The following AGBL1 variants were observed in gnomAD, a reference collection of about 807,000 sequenced individuals.
AGBL1 encodes the protein cytosolic carboxypeptidase 4.
Under a neutral mutation model 118.9 loss-of-function variants are expected in AGBL1, and 130 were observed. That is an observed-to-expected ratio of 1.09 (90% confidence interval 0.95 to 1.26). The LOEUF is 1.26. AGBL1 is among the 50% of genes most tolerant of loss of function. The probability of loss-of-function intolerance (pLI) is 0.00; values close to 1 mark genes in which losing one functional copy is unlikely to be tolerated. For missense variants in AGBL1, 1,584 were observed against 1,298.1 expected (o/e 1.22, Z -3.38); for synonymous variants, 555 against 478.9 (o/e 1.16, Z -2.08).
intron 22 of AGBL1, among the ~76,000 whole-genome samples, chr15:86,688,685 G>C (rs2086106922): frequency 6.6e-6 from 1 of 152,110 alleles, no homozygotes; most frequent in South Asian, 2.1e-4. Context: ...AAACAAACCT[G>C]ATTTTATTAT....
chr15:86,535,799 C>G (rs574300949), intron 19 of AGBL1, among the ~76,000 whole-genome samples: 1 of 152,140 alleles, frequency 6.6e-6, no homozygotes, highest in African/African-American at 2.4e-5. Flanking sequence ...AAAAGGATGG[C>G]GTATTCCTTT....
intron 5 of AGBL1, among the ~76,000 whole-genome samples, chr15:86,222,006 T>C (rs1443191175): frequency 6.6e-6 from 1 of 152,190 alleles, no homozygotes; most frequent in Non-Finnish European, 1.5e-5. Flanking sequence ...TCTGGTGAAG[T>C]TCAGTTTCCA....
At chr15:86,195,890 A>G (rs1323736455) in intron 5 of AGBL1, among the ~76,000 whole-genome samples, 1 of 152,158 alleles carries the variant, frequency 6.6e-6, no homozygotes, top group East Asian at 1.9e-4. Context: ...TTCTAAGTCT[A>G]TCCAAGCTCT....
intron 21 of AGBL1, among the ~76,000 whole-genome samples, chr15:86,563,784 C>T (rs2083868932): frequency 6.6e-6 from 1 of 152,122 alleles, no homozygotes; most frequent in South Asian, 2.1e-4. Flanking sequence ...TTGTAGGTCT[C>T]TAAGGACTTG....
chr15:86,716,969 C>T (rs767525933), intron 22 of AGBL1, among the ~76,000 whole-genome samples: 2 of 152,058 alleles, frequency 1.3e-5, no homozygotes, highest in Non-Finnish European at 2.9e-5. Flanking sequence ...TTTGTTTTTA[C>T]CTTTAAGGCA....
chr15:86,184,404 A>G (rs2077595766), intron 5 of AGBL1, among the ~76,000 whole-genome samples: 1 of 151,480 alleles, frequency 6.6e-6, no homozygotes, highest in South Asian at 2.1e-4. Context: ...ACTTTTATAC[A>G]CGATCTATTC....
intron 17 of AGBL1, among the ~76,000 whole-genome samples, chr15:86,382,159 G>A (rs1057361064): frequency 1.3e-4 from 20 of 149,396 alleles, no homozygotes; most frequent in African/African-American, 4.9e-4. Flanking sequence ...GGGATGGGGG[G>A]CAGGGGAGTG....
chr15:86,210,023 C>T (rs1345853169), intron 5 of AGBL1, among the ~76,000 whole-genome samples: 1 of 152,174 alleles, frequency 6.6e-6, no homozygotes, highest in Non-Finnish European at 1.5e-5. Flanking sequence ...GTGACAAAAT[C>T]TCTCAGCATT....
At chr15:86,377,421 T>G (rs1208636284) in intron 17 of AGBL1, among the ~76,000 whole-genome samples, 1 of 152,184 alleles carries the variant, frequency 6.6e-6, no homozygotes, top group Non-Finnish European at 1.5e-5. Flanking sequence ...ATGGTAGTTC[T>G]CACGGCCTGA....
At chr15:86,994,330 C>A (rs1379747047) in intron 24 of AGBL1, among the ~76,000 whole-genome samples, 1 of 151,998 alleles carries the variant, frequency 6.6e-6, no homozygotes, top group Non-Finnish European at 1.5e-5. Context: ...TATATCCTGG[C>A]CTGTGATCTC....
chr15:86,683,265 A>G (rs2085994108), intron 22 of AGBL1, among the ~76,000 whole-genome samples: 1 of 152,138 alleles, frequency 6.6e-6, no homozygotes, highest in African/African-American at 2.4e-5. Flanking sequence ...TAAAACTCAA[A>G]CGACTTGGGT....
chr15:86,573,813 A>G (rs1162138006), intron 21 of AGBL1, among the ~76,000 whole-genome samples: 1 of 152,224 alleles, frequency 6.6e-6, no homozygotes, highest in Non-Finnish European at 1.5e-5. Flanking sequence ...AAATGTTTCA[A>G]ACTCCTCAGA....
At chr15:86,949,085 A>C (rs2080853343) in intron 23 of AGBL1, among the ~76,000 whole-genome samples, 2 of 152,220 alleles carry the variant, frequency 1.3e-5, no homozygotes, top group South Asian at 4.1e-4. Flanking sequence ...AAGTCACGTA[A>C]AAGTTCCAAC....
intron 22 of AGBL1, among the ~76,000 whole-genome samples, chr15:86,835,774 A>C (rs2079162353): frequency 6.6e-6 from 1 of 152,146 alleles, no homozygotes; most frequent in South Asian, 2.1e-4. Context: ...GCAGGGAACA[A>C]AGGGTGCAGG....
chr15:86,443,474 A>G (rs117725850), intron 18 of AGBL1, among the ~76,000 whole-genome samples: 40 of 152,308 alleles, frequency 2.6e-4, no homozygotes, highest in Non-Finnish European at 4.7e-4. Context: ...TCAAAATTCA[A>G]GCTATTTAAA....
At chr15:86,095,257 A>G (rs1338118180) in intron 1 of AGBL1, among the ~76,000 whole-genome samples, 1 of 152,168 alleles carries the variant, frequency 6.6e-6, no homozygotes, top group Non-Finnish European at 1.5e-5. Flanking sequence ...GCTCCATTGC[A>G]TAGGCCTGAC....
At chr15:86,383,275 A>T (rs74027531) in intron 17 of AGBL1, among the ~76,000 whole-genome samples, 1,201 of 118,794 alleles carry the variant, frequency 0.01, 43 homozygotes, top group African/African-American at 0.017. Flanking sequence ...AAAAAAAAAA[A>T]TCCTAATTGC....
chr15:86,079,625 G>A (rs1043972278), upstream of AGBL1: 13 of 192,680 alleles, frequency 6.7e-5, no homozygotes, highest in Non-Finnish European at 1.3e-4. Context: ...AGGTCAGCTG[G>A]GAATGCCTGT....
intron 22 of AGBL1, among the ~76,000 whole-genome samples, chr15:86,747,859 T>C (rs1201669793): frequency 2.0e-5 from 3 of 152,238 alleles, no homozygotes; most frequent in Non-Finnish European, 4.4e-5. Flanking sequence ...GTGCCACATT[T>C]TCTTAATCCA....
Sources: gnomAD v4.1 joint callset for allele counts (sites outside exome capture counted in the v4.1 genomes callset) on GRCh38, gnomAD v4.1.1 for gene constraint, MANE v1.5 for transcripts, NCBI Gene and HGNC (gene_info 2026-07-23, HGNC 2026-07-21) for gene names.